The following ANTXR1 variants were observed in gnomAD, a reference collection of about 807,000 sequenced individuals.
The protein encoded by ANTXR1 is anthrax toxin receptor 1.
A neutral mutation model predicts 78.1 loss-of-function variants in ANTXR1; 19 were observed. The ratio of observed to expected loss-of-function variants is 0.24; its 90% confidence interval spans 0.17 to 0.36. The LOEUF is 0.36. Ranked by LOEUF, ANTXR1 falls within the 10% of genes least tolerant of loss-of-function variation. The pLI is 1.00. For missense variants in ANTXR1, 518 were observed against 718.6 expected (o/e 0.72, Z 3.19); for synonymous variants, 273 against 260.5 (o/e 1.05, Z -0.46).
intron 3 of ANTXR1, among the ~76,000 whole-genome samples, chr2:69,069,096 GCAAACCC>G (rs1474645501): frequency 6.6e-6 from 1 of 152,154 alleles, no homozygotes; most frequent in Admixed American, 6.5e-5. Context: ...CCAGGGACAG[GCAAACCC>G]CTTTTCAGTT....
chr2:69,192,403 G>A (rs556926117), intron 16 of ANTXR1, among the ~76,000 whole-genome samples: 2 of 152,050 alleles, frequency 1.3e-5, no homozygotes, highest in South Asian at 2.1e-4. Context: ...TTCCAAAGTC[G>A]GCAACATTGG....
chr2:69,186,528 C>T (rs1273078487), intron 16 of ANTXR1, among the ~76,000 whole-genome samples: 1 of 152,188 alleles, frequency 6.6e-6, no homozygotes, highest in Non-Finnish European at 1.5e-5. Context: ...GTTGAACTAA[C>T]AGAGATGTGG....
intron 1 of ANTXR1, among the ~76,000 whole-genome samples, chr2:69,030,197 A>T (rs1022783251): frequency 6.6e-6 from 1 of 152,146 alleles, no homozygotes; most frequent in Non-Finnish European, 1.5e-5. Context: ...GGGTATTTGA[A>T]GGAGATGGAT....
chr2:69,236,489 T>G (rs1359289478), intron 17 of ANTXR1, among the ~76,000 whole-genome samples: 1 of 152,230 alleles, frequency 6.6e-6, no homozygotes, highest in Non-Finnish European at 1.5e-5. Flanking sequence ...TCTAAAACTC[T>G]GTAATTGAAA....
chr2:69,083,285 C>T (rs1296252289), intron 8 of ANTXR1, among the ~76,000 whole-genome samples: 1 of 152,172 alleles, frequency 6.6e-6, no homozygotes, highest in African/African-American at 2.4e-5. Context: ...TGAACTAATC[C>T]CTTTTCCAGG....
chr2:69,107,839 G>A (rs1162283398), intron 10 of ANTXR1, among the ~76,000 whole-genome samples: 3 of 120,620 alleles, frequency 2.5e-5, no homozygotes, highest in Non-Finnish European at 3.6e-5. Context: ...AGTAAACTAG[G>A]AATAGGATAA....
intron 12 of ANTXR1, among the ~76,000 whole-genome samples, chr2:69,132,872 C>T (rs972232701): frequency 4.6e-5 from 7 of 152,190 alleles, no homozygotes; most frequent in African/African-American, 4.8e-5. Context: ...AGTCCTTGCC[C>T]TCCAGAGGCT....
At chr2:69,142,401 T>C (rs1393615214) in intron 12 of ANTXR1, among the ~76,000 whole-genome samples, 1 of 152,226 alleles carries the variant, frequency 6.6e-6, no homozygotes, top group Non-Finnish European at 1.5e-5. Context: ...GATATGTGTC[T>C]TCTAGGGGCT....
intron 3 of ANTXR1, among the ~76,000 whole-genome samples, chr2:69,064,341 G>T (rs1253202177): frequency 6.7e-6 from 1 of 149,932 alleles, no homozygotes; most frequent in Non-Finnish European, 1.5e-5. Flanking sequence ...CTCTCAATAT[G>T]GTCCTTCCTT....
chr2:69,103,736 T>G (rs971708246), intron 10 of ANTXR1: 2 of 155,942 alleles, frequency 1.3e-5, no homozygotes, highest in Non-Finnish European at 2.9e-5. Context: ...GCATCTGGCA[T>G]CCGTCACACA....
intron 14 of ANTXR1, among the ~76,000 whole-genome samples, chr2:69,179,472 G>A (rs912135467): frequency 6.6e-6 from 1 of 151,246 alleles, no homozygotes; most frequent in Admixed American, 6.6e-5. Flanking sequence ...TGCTTGAGCT[G>A]TGGTAGTTGA....
intron 14 of ANTXR1, among the ~76,000 whole-genome samples, chr2:69,179,765 A>T (rs576707276): frequency 6.6e-6 from 1 of 152,326 alleles, no homozygotes; most frequent in South Asian, 2.1e-4. Context: ...AAATAGGAAT[A>T]ATAACACCAT....
intron 17 of ANTXR1, among the ~76,000 whole-genome samples, chr2:69,234,596 C>G (rs539787669): frequency 8.4e-4 from 128 of 151,978 alleles, no homozygotes; most frequent in Middle Eastern, 3.4e-3. Context: ...TGGTGAAAAC[C>G]CATCTCTACT....
chr2:69,040,186 T>C, intron 2 of ANTXR1, 71 bp downstream of exon 2: 1 of 1,359,162 alleles, frequency 7.4e-7, no homozygotes, highest in Non-Finnish European at 1.0e-6. Flanking sequence ...TGTTTGCTAT[T>C]CTATTAATTA....
intron 3 of ANTXR1, among the ~76,000 whole-genome samples, chr2:69,070,048 A>C (rs1443106420): frequency 6.6e-6 from 1 of 152,208 alleles, no homozygotes; most frequent in East Asian, 1.9e-4. Context: ...TATGTTTCCC[A>C]CTGCCAGTTG....
intron 12 of ANTXR1, among the ~76,000 whole-genome samples, chr2:69,139,019 A>T (rs1182513680): frequency 1.3e-5 from 2 of 152,248 alleles, no homozygotes; most frequent in Non-Finnish European, 2.9e-5. Context: ...ATGGAGCTTG[A>T]CCTGGCAGCC....
intron 1 of ANTXR1, among the ~76,000 whole-genome samples, chr2:69,028,437 A>G (rs1252069782): frequency 6.6e-6 from 1 of 152,174 alleles, no homozygotes; most frequent in Non-Finnish European, 1.5e-5. Flanking sequence ...TTTTTGATGA[A>G]GAAATTCTGA....
At chr2:69,190,518 C>G (rs1391564067) in intron 16 of ANTXR1, among the ~76,000 whole-genome samples, 1 of 152,132 alleles carries the variant, frequency 6.6e-6, no homozygotes, top group East Asian at 1.9e-4. Context: ...TTAATGAATA[C>G]CTTTTATGAG....
At chr2:69,203,096 G>C (rs1674814530) in intron 17 of ANTXR1, among the ~76,000 whole-genome samples, 2 of 152,110 alleles carry the variant, frequency 1.3e-5, no homozygotes, top group Non-Finnish European at 2.9e-5. Flanking sequence ...GTTTACATTA[G>C]CTCTTTATGT....
Sources: gnomAD v4.1 joint callset for allele counts (sites outside exome capture counted in the v4.1 genomes callset) on GRCh38, gnomAD v4.1.1 for gene constraint, MANE v1.5 for transcripts, NCBI Gene and HGNC (gene_info 2026-07-23, HGNC 2026-07-21) for gene names.